Variants in IL17RD observed in about 807,000 individuals in gnomAD.
IL17RD encodes interleukin 17 receptor D.
In IL17RD, 52 loss-of-function variants were observed where a neutral mutation model predicts 80.5. The ratio of observed to expected loss-of-function variants is 0.65; its 90% CI spans 0.52 to 0.81. The LOEUF (loss-of-function observed/expected upper bound fraction) is 0.81. Among genes scored for constraint, IL17RD ranks in the 40% least tolerant of loss-of-function variants. The probability of loss-of-function intolerance (pLI) is 0.00; values close to 1 mark genes in which losing one functional copy is unlikely to be tolerated. For missense variants in IL17RD, 1,024 were observed against 955.1 expected, an observed-to-expected ratio of 1.07 and a Z score of -0.95; for synonymous variants, 416 against 391.8, an observed-to-expected ratio of 1.06 and a Z score of -0.73.
intron 1 of IL17RD, among the ~76,000 whole-genome samples, chr3:57,138,106 G>A (rs530952788): frequency 8.5e-5 from 13 of 152,316 alleles, no homozygotes; most frequent in Middle Eastern, 3.4e-3. Flanking sequence ...GGGGAGAGGA[G>A]AATGGGGAGT....
intron 1 of IL17RD, among the ~76,000 whole-genome samples, chr3:57,144,607 G>A (rs1241004010): frequency 6.6e-6 from 1 of 152,212 alleles, no homozygotes; most frequent in Non-Finnish European, 1.5e-5. Context: ...TTGTGGAGGG[G>A]AAGGAATTGC....
intron 3 of IL17RD, among the ~76,000 whole-genome samples, chr3:57,111,105 TGCAGC>T (rs1707087886): frequency 6.6e-6 from 1 of 152,238 alleles, no homozygotes; most frequent in Non-Finnish European, 1.5e-5. Context: ...GTGGTCCAGC[TGCAGC>T]TGGAGAGCCC....
intron 1 of IL17RD, among the ~76,000 whole-genome samples, chr3:57,138,054 G>A (rs1363166724): frequency 2.0e-5 from 3 of 152,200 alleles, no homozygotes; most frequent in African/African-American, 7.2e-5. Flanking sequence ...ATTTAGAGCA[G>A]TCAAATTCAT....
intron 10 of IL17RD, among the ~76,000 whole-genome samples, chr3:57,101,997 T>C (rs1706840740): frequency 1.4e-5 from 1 of 71,872 alleles, no homozygotes; most frequent in African/African-American, 4.4e-5. Flanking sequence ...CAGTGTCTCA[T>C]GCCTGTAATC....
At position 57,098,087 on chromosome 3, in the gene IL17RD, C is replaced by G; in HGVS notation, c.1616G>C (p.Gly539Ala). The part of the protein sequence containing the change: ...SRRNYFRSKS[G>A]RSLYVAICNM... Reference sequence around the variant, plus strand: ...GCAAATGGCGACGTATAGGGACCGGCCTGACTTGCTCCGGAAGTAGTTCCT... The same window carrying G: ...GCAAATGGCGACGTATAGGGACCGGGCTGACTTGCTCCGGAAGTAGTTCCT... Residue 539 changes from glycine to alanine, a missense_variant, in exon 12 of 13, where the codon GGC becomes GCC. Transcript: ENST00000296318. 1 of 1,614,006 alleles carries G rather than the reference C, an allele frequency of 6.2e-7. No individual in the cohort carries two copies. The highest frequency in any genetic ancestry group is 1.1e-5 in the South Asian group (1 of 91,084).
In IL17RD at chr3:57,092,672, CT is replaced by C. The variant is rs1241587385; in HGVS notation, c.*3720del. The C allele has an allele frequency of 5.3e-5, 8 of 152,256 alleles. No homozygotes were observed. Among genetic ancestry groups the C allele is most frequent in the African/African-American group, 1.4e-4 (6 of 41,546 alleles). The allele number at this position is 152,256 out of a possible 1,614,324, so 9.4% of individuals were successfully genotyped here. ...ATTCTGAAATTAACAACTGGCTTGC[CT>C]TTCTTTTAAGACACTGTGAAATGTA... On this transcript the variant is annotated 3_prime_UTR_variant, in exon 13 of 13. Coordinates refer to ENST00000296318, the MANE Select transcript of IL17RD (RefSeq NM_017563.5).
At position 57,092,821 on chromosome 3, in the gene IL17RD, C is replaced by T. The variant is rs1447061512; in HGVS notation, c.*3572G>A. 1.3e-5 allele frequency: 2 copies of T among 152,074 alleles called. No homozygotes were observed. Among genetic ancestry groups the T allele is most frequent in the Non-Finnish European group, 1.5e-5 (1 of 68,020 alleles). 9.4% of individuals were successfully genotyped at this position (152,074 alleles called of 1,614,324 possible). On this transcript the variant is annotated 3_prime_UTR_variant, in exon 13 of 13. Coordinates refer to ENST00000296318, the MANE Select transcript of IL17RD (RefSeq NM_017563.5). ...TAGCAAGAGCATTTTCTGGTGGCAC[C>T]GTCTGTAATTACCATGAATGCCTTT...
chr3:57,109,471 T>A, intron 5 of IL17RD, 66 bp downstream of exon 5: 1 of 1,569,098 alleles, frequency 6.4e-7, no homozygotes, highest in Non-Finnish European at 8.7e-7. Flanking sequence ...CACATTTCTG[T>A]AGAAAAATCA....
At chr3:57,163,680 T>C (rs182358342) in intron 1 of IL17RD, among the ~76,000 whole-genome samples, 85 of 151,982 alleles carry the variant, frequency 5.6e-4, no homozygotes, top group Non-Finnish European at 4.7e-4. Context: ...TACTAAAATT[T>C]TTTTAAACAA....
rs1327238289 is a variant in IL17RD at position 57,091,580 on chromosome 3, A to G, written c.*4813T>C. ...GCAGTGAAAATTATTAGGCCCCTGG[A>G]AAACAAGAGCCATGAAGAATGGTTT... On this transcript the variant is annotated 3_prime_UTR_variant, in exon 13 of 13. Transcript: ENST00000296318. The G allele has an allele frequency of 6.6e-6, 1 of 152,622 alleles. No homozygotes were observed. The highest frequency in any genetic ancestry group is 2.4e-5 in the African/African-American group (1 of 41,442). 9.5% of individuals were successfully genotyped at this position (152,622 alleles called of 1,614,324 possible).
chr3:57,165,237 C>A lies in IL17RD; in HGVS notation c.50G>T (p.Cys17Phe), dbSNP rs1050878306. The A allele has an allele frequency of 3.3e-5, 51 of 1,530,196 alleles. No homozygotes were observed. The highest frequency in any genetic ancestry group is 4.0e-5 in the Admixed American group (2 of 49,504). 94.8% of individuals were successfully genotyped at this position (1,530,196 alleles called of 1,614,324 possible). A position where few individuals can be genotyped will look rare whatever the true frequency, so the allele number is the denominator to read the frequency against. Reference sequence around the variant, plus strand: ...CACAGCCAGCTGCGAGCCGTTGAGGCAGGCGTTGACCGTAAAGAAGACGGA... The same window carrying A: ...CACAGCCAGCTGCGAGCCGTTGAGGAAGGCGTTGACCGTAAAGAAGACGGA... ...LCSVFFTVNACLNGSQLAVAA... is the reference protein window; with the variant it reads ...LCSVFFTVNAFLNGSQLAVAA... Residue 17 changes from cysteine (C) to phenylalanine (F), a missense_variant, in exon 1 of 13, where the codon TGC becomes TTC. By Grantham distance (205) the Cys-to-Phe change is radical. Coordinates refer to ENST00000296318, the MANE Select transcript of IL17RD (RefSeq NM_017563.5).
intron 1 of IL17RD, among the ~76,000 whole-genome samples, chr3:57,162,472 A>G (rs1251706882): frequency 6.6e-6 from 1 of 152,196 alleles, no homozygotes; most frequent in East Asian, 1.9e-4. Flanking sequence ...AACATGAATC[A>G]AATACTCTAG....
chr3:57,137,697 A>C (rs1371263455), intron 1 of IL17RD, among the ~76,000 whole-genome samples: 1 of 152,222 alleles, frequency 6.6e-6, no homozygotes. Flanking sequence ...AGTCCTGGTC[A>C]CCAGCCGCTT....
At chr3:57,168,629 T>G (rs1335876860), upstream of IL17RD, among the ~76,000 whole-genome samples, 2 of 151,418 alleles carry the variant, frequency 1.3e-5, no homozygotes, top group African/African-American at 4.9e-5. Flanking sequence ...AATTGGCATT[T>G]GGCAACATTC....
At chr3:57,108,734 T>G (rs144396571) in intron 5 of IL17RD, among the ~76,000 whole-genome samples, 1,849 of 151,642 alleles carry the variant, frequency 0.012, 38 homozygotes, top group African/African-American at 0.043. Flanking sequence ...CAGGCTGGTC[T>G]CGAACTACTG....
chr3:57,170,171 G>A (rs1192624593), upstream of IL17RD: 1 of 152,384 alleles, frequency 6.6e-6, no homozygotes, highest in Non-Finnish European at 1.5e-5. Context: ...TGGGGCGGCG[G>A]ACCCAACCCT....
chr3:57,138,258 A>C (rs1707765218), intron 1 of IL17RD, among the ~76,000 whole-genome samples: 1 of 152,246 alleles, frequency 6.6e-6, no homozygotes, highest in African/African-American at 2.4e-5. Flanking sequence ...GGTAAATTTT[A>C]TGTTATGTGT....
At chr3:57,124,000 G>A (rs1019295636) in intron 1 of IL17RD, among the ~76,000 whole-genome samples, 2 of 152,156 alleles carry the variant, frequency 1.3e-5, no homozygotes, top group Admixed American at 6.5e-5. Flanking sequence ...AGCCGAGATC[G>A]CGCCATCGTA....
At chr3:57,157,144 C>G (rs2060273551) in intron 1 of IL17RD, among the ~76,000 whole-genome samples, 1 of 152,008 alleles carries the variant, frequency 6.6e-6, no homozygotes, top group African/African-American at 2.4e-5. Context: ...AGCAAAAAGC[C>G]AGAGATACTG....
Sources: gnomAD v4.1 joint callset for allele counts (sites outside exome capture counted in the v4.1 genomes callset) on GRCh38, gnomAD v4.1.1 for gene constraint, MANE v1.5 for transcripts, NCBI Gene and HGNC (gene_info 2026-07-23, HGNC 2026-07-21) for gene names.